Variants in NBEA observed in about 807,000 individuals in gnomAD.
NBEA encodes neurobeachin.
A neutral mutation model predicts 343.4 loss-of-function variants in NBEA; 44 were observed. The ratio of observed to expected loss-of-function variants is 0.13; its 90% CI spans 0.10 to 0.16. The LOEUF (loss-of-function observed/expected upper bound fraction) is 0.16, where lower values mean the gene tolerates loss of function less well. Ranked by LOEUF, NBEA falls within the 10% of genes least tolerant of loss-of-function variation. The probability of loss-of-function intolerance (pLI) is 1.00; values close to 1 mark genes in which losing one functional copy is unlikely to be tolerated. For missense variants in NBEA, 2,555 were observed against 3,631.3 expected (o/e 0.70, Z 7.62); for synonymous variants, 1,175 against 1,238.7 (o/e 0.95, Z 1.08).
chr13:35,609,112 T>G (rs1359489941), intron 48 of NBEA, among the ~76,000 whole-genome samples: 3 of 152,248 alleles, frequency 2.0e-5, no homozygotes, highest in Non-Finnish European at 4.4e-5. Context: ...GCAAGTATAC[T>G]AAGCTTAAAT....
chr13:35,334,938 A>T (rs932190905), intron 36 of NBEA, among the ~76,000 whole-genome samples: 6 of 152,118 alleles, frequency 3.9e-5, no homozygotes, highest in Admixed American at 3.3e-4. Flanking sequence ...CCTGACCAGT[A>T]TCCTGGAGAT....
At chr13:35,093,220 T>G (rs1299416213) in intron 10 of NBEA, among the ~76,000 whole-genome samples, 2 of 151,860 alleles carry the variant, frequency 1.3e-5, no homozygotes, top group Non-Finnish European at 2.9e-5. Context: ...ATAGCACAAG[T>G]GAATTTTTTG....
At chr13:35,376,054 A>T (rs2041722192) in intron 38 of NBEA, among the ~76,000 whole-genome samples, 1 of 152,092 alleles carries the variant, frequency 6.6e-6, no homozygotes, top group Non-Finnish European at 1.5e-5. Context: ...ATTTATTATT[A>T]TTATTCTTTA....
intron 1 of NBEA, among the ~76,000 whole-genome samples, chr13:34,976,544 A>G (rs1391141380): frequency 1.3e-5 from 2 of 152,192 alleles, no homozygotes; most frequent in African/African-American, 4.8e-5. Flanking sequence ...GTAACTCAAC[A>G]TCACCTGGTC....
chr13:35,627,166 A>G (rs148108840), intron 48 of NBEA, among the ~76,000 whole-genome samples: 1 of 152,342 alleles, frequency 6.6e-6, no homozygotes, highest in Non-Finnish European at 1.5e-5. Flanking sequence ...CTTTGTTCAC[A>G]TATTTAGTGA....
At chr13:35,055,122 A>G (rs556994221) in intron 6 of NBEA, among the ~76,000 whole-genome samples, 1 of 152,154 alleles carries the variant, frequency 6.6e-6, no homozygotes, top group African/African-American at 2.4e-5. Context: ...TTTGTATTTT[A>G]TATTTTGGTG....
chr13:35,069,327 G>T (rs2063775543), intron 8 of NBEA, among the ~76,000 whole-genome samples: 1 of 151,986 alleles, frequency 6.6e-6, no homozygotes, highest in African/African-American at 2.4e-5. Context: ...AGATGGCATA[G>T]GTTTAGTTCT....
At chr13:35,370,297 T>C (rs1308110913) in intron 38 of NBEA, among the ~76,000 whole-genome samples, 1 of 152,048 alleles carries the variant, frequency 6.6e-6, no homozygotes, top group Non-Finnish European at 1.5e-5. Flanking sequence ...CTTCTTTGTC[T>C]TTTGTTTTTA....
At chr13:35,033,554 A>G (rs1247894740) in intron 1 of NBEA, among the ~76,000 whole-genome samples, 1 of 151,966 alleles carries the variant, frequency 6.6e-6, no homozygotes, top group Non-Finnish European at 1.5e-5. Flanking sequence ...TGTCATTGGT[A>G]TTTTGATAGG....
intron 41 of NBEA, among the ~76,000 whole-genome samples, chr13:35,507,432 A>G (rs1030733204): frequency 6.6e-6 from 1 of 152,040 alleles, no homozygotes; most frequent in African/African-American, 2.4e-5. Flanking sequence ...AGGCTCTTAT[A>G]TTCAAATGCC....
At chr13:34,996,461 C>T (rs1032661105) in intron 1 of NBEA, among the ~76,000 whole-genome samples, 1 of 137,086 alleles carries the variant, frequency 7.3e-6, no homozygotes, top group African/African-American at 2.5e-5. Context: ...TTCACCTCTG[C>T]GTTTGTGTGT....
At chr13:35,607,038 A>G (rs557670134) in intron 48 of NBEA, among the ~76,000 whole-genome samples, 1 of 152,256 alleles carries the variant, frequency 6.6e-6, no homozygotes, top group African/African-American at 2.4e-5. Flanking sequence ...ACATTCTGAA[A>G]TAGAAAACAT....
At chr13:35,057,334 G>A (rs2063307733) in intron 7 of NBEA, among the ~76,000 whole-genome samples, 1 of 152,066 alleles carries the variant, frequency 6.6e-6, no homozygotes, top group Non-Finnish European at 1.5e-5. Context: ...ATTGGGGCTG[G>A]GCAGACTACA....
intron 1 of NBEA, among the ~76,000 whole-genome samples, chr13:34,959,366 G>A (rs1198313271): frequency 1.3e-5 from 2 of 152,014 alleles, no homozygotes. Context: ...CTCTGCTTGG[G>A]TGGGATTGGA....
At chr13:35,197,612 G>T (rs1217040019) in intron 31 of NBEA, among the ~76,000 whole-genome samples, 1 of 151,844 alleles carries the variant, frequency 6.6e-6, no homozygotes, top group Non-Finnish European at 1.5e-5. Flanking sequence ...CCACCTCCTG[G>T]GTTCAAGCAA....
chr13:35,086,704 T>A (rs1222157061), intron 10 of NBEA, among the ~76,000 whole-genome samples: 1 of 151,940 alleles, frequency 6.6e-6, no homozygotes, highest in African/African-American at 2.4e-5. Context: ...CGAATGGTAG[T>A]TCTATTTTAA....
At position 35,043,352 on chromosome 13, in the gene NBEA, T is replaced by C. The variant is rs577179018; in HGVS notation, c.527-1595T>C. Among the ~76,000 whole-genome samples the C allele has an allele frequency of 1.4e-4, 22 of 151,928 alleles. No individual in the cohort carries two copies. In the South Asian group the frequency reaches 2.9e-3, roughly 20 times the overall value. On this transcript the variant is annotated intron_variant, in intron 2 of 58. Coordinates refer to ENST00000379939, the MANE Select transcript of NBEA (RefSeq NM_001385012.1). Reference sequence around the variant, plus strand: ...TGAAGTCTTGTATAACCTGAAAAAATTTAAACGTTGCAAATATTTTTTAAA... The same window carrying C: ...TGAAGTCTTGTATAACCTGAAAAAACTTAAACGTTGCAAATATTTTTTAAA...
At chr13:35,403,415 G>C (rs1222935555) in intron 38 of NBEA, among the ~76,000 whole-genome samples, 1 of 151,744 alleles carries the variant, frequency 6.6e-6, no homozygotes, top group Non-Finnish European at 1.5e-5. Flanking sequence ...ATTAACAGTT[G>C]AGATCCAAAA....
chr13:35,180,279 A>C (rs2071221058), intron 28 of NBEA, among the ~76,000 whole-genome samples: 1 of 151,770 alleles, frequency 6.6e-6, no homozygotes, highest in Non-Finnish European at 1.5e-5. Context: ...AGTTTTACCT[A>C]GCTTATAAAA....
Sources: allele counts gnomAD v4.1 joint callset (sites outside exome capture counted in the v4.1 genomes callset), GRCh38; gene constraint gnomAD v4.1.1; transcripts MANE v1.5; gene names NCBI Gene and HGNC (gene_info 2026-07-23, HGNC 2026-07-21).